Variants in ARMC2 observed in about 807,000 individuals in gnomAD.
ARMC2 encodes the protein armadillo repeat-containing protein 2.
Under a neutral mutation model 90.3 loss-of-function variants are expected in ARMC2, and 67 were observed. That is an observed-to-expected ratio of 0.74 (90% CI 0.61 to 0.91). The LOEUF (loss-of-function observed/expected upper bound fraction) is 0.91. Ranked by LOEUF, ARMC2 falls within the 40% of genes least tolerant of loss-of-function variation. ARMC2 has a pLI of 0.00. For missense variants in ARMC2, 920 were observed against 1,030.9 expected (o/e 0.89, Z 1.47); for synonymous variants, 393 against 393.0 (o/e 1.00, Z 0.00).
the ARMC2 span, among the ~76,000 whole-genome samples, chr6:109,038,679 T>A: frequency 1.3e-5 from 2 of 152,252 alleles, no homozygotes; most frequent in African/African-American, 4.8e-5. Context: ...GAATTGCCTA[T>A]GCAATTTATA....
chr6:109,002,218 G>A, the ARMC2 span: 1 of 1,440,380 alleles, frequency 6.9e-7, no homozygotes, highest in Non-Finnish European at 9.8e-7. Flanking sequence ...CAACATGTGG[G>A]TCATGAAAGC....
chr6:108,966,965 G>GAAAGAGCAGAAAACAGGA (rs1778416209), intron 17 of ARMC2, among the ~76,000 whole-genome samples: 1 of 152,174 alleles, frequency 6.6e-6, no homozygotes, highest in Non-Finnish European at 1.5e-5. Context: ...CAGGAAACAA[G>GAAAGAGCAGAAAACAGGA]ATACTGCTCA....
intron 11 of ARMC2, among the ~76,000 whole-genome samples, chr6:108,929,490 G>A (rs754327116): frequency 6.6e-6 from 1 of 151,944 alleles, no homozygotes; most frequent in Non-Finnish European, 1.5e-5. Flanking sequence ...ACTTTTTGTT[G>A]TTGAGATGGG....
At chr6:108,977,740 T>C (rs1311464161), downstream of ARMC2, among the ~76,000 whole-genome samples, 2 of 152,104 alleles carry the variant, frequency 1.3e-5, no homozygotes, top group African/African-American at 4.8e-5. Flanking sequence ...GGTGTATGTG[T>C]CCAGCAATTT....
At chr6:108,880,003 G>T in intron 5 of ARMC2, 1 of 448,294 alleles carries the variant, frequency 2.2e-6, no homozygotes. Flanking sequence ...TCTTAGTATT[G>T]TTGGAATCAA....
At chr6:108,920,277 C>T (rs1382435090) in intron 10 of ARMC2, among the ~76,000 whole-genome samples, 1 of 152,142 alleles carries the variant, frequency 6.6e-6, no homozygotes, top group Non-Finnish European at 1.5e-5. Context: ...GCAACCTCCA[C>T]CTCCCGGGTT....
chr6:108,992,922 G>C, the ARMC2 span: 1 of 1,504,140 alleles, frequency 6.6e-7, no homozygotes, highest in Non-Finnish European at 9.2e-7. Flanking sequence ...GCCATTGAAA[G>C]GTTTTTAAAA....
chr6:108,906,523 C>T lies in ARMC2; in HGVS notation c.1023+2118C>T, dbSNP rs114056198. ...AAGACAAGATCTCGCTCTTGTCACC[C>T]AGGGCTGGAGTACAGTGGCGAGATC... is the stretch of plus-strand genomic sequence containing the variant. On this transcript the variant is annotated intron_variant, in intron 8 of 17. Transcript: ENST00000392644. Among the ~76,000 whole-genome samples, 614 of 152,022 alleles carry T rather than the reference C, an allele frequency of 4.0e-3. 3 individuals carry two copies. The highest frequency in any genetic ancestry group is 0.014 in the African/African-American group (575 of 41,474).
intron 7 of ARMC2, among the ~76,000 whole-genome samples, chr6:108,900,733 C>T (rs1252956177): frequency 6.6e-6 from 1 of 152,078 alleles, no homozygotes; most frequent in African/African-American, 2.4e-5. Context: ...GTTCTGGTCC[C>T]GGTGCTGCTA....
the ARMC2 span, among the ~76,000 whole-genome samples, chr6:109,016,011 A>T: frequency 6.6e-6 from 1 of 152,210 alleles, no homozygotes; most frequent in East Asian, 1.9e-4. Context: ...AAAATTATCC[A>T]TTCAAAATAG....
chr6:108,972,979 GA>G (rs1434670095), intron 17 of ARMC2, among the ~76,000 whole-genome samples: 1 of 151,010 alleles, frequency 6.6e-6, no homozygotes, highest in Non-Finnish European at 1.5e-5. Flanking sequence ...GACTTTTTTT[GA>G]AAAAAATATT....
chr6:108,870,903 A>C (rs1776337745), intron 4 of ARMC2, among the ~76,000 whole-genome samples: 1 of 148,424 alleles, frequency 6.7e-6, no homozygotes, highest in Non-Finnish European at 1.5e-5. Context: ...ACAAATAAGT[A>C]AGAGAATTTG....
chr6:108,973,713 A>G lies in ARMC2; in HGVS notation c.*199A>G. 1 of 442,002 alleles carries G rather than the reference A, an allele frequency of 2.3e-6. No individual in the cohort carries two copies. The highest frequency in any genetic ancestry group is 3.9e-6 in the Non-Finnish European group (1 of 254,004). The allele number at this position is 442,002 out of a possible 1,614,324, so 27.4% of individuals were successfully genotyped here. On this transcript the variant is annotated 3_prime_UTR_variant, in exon 18 of 18. Coordinates refer to ENST00000392644, the MANE Select transcript of ARMC2 (RefSeq NM_032131.6). ...TTATGGAAAAATGAATATACACATT[A>G]TATTTCCTGTTGAGAGAAATGTAAG... is the stretch of plus-strand genomic sequence containing the variant.
intron 6 of ARMC2, among the ~76,000 whole-genome samples, chr6:108,898,884 A>T (rs1392061819): frequency 2.0e-5 from 3 of 152,194 alleles, no homozygotes; most frequent in Admixed American, 6.5e-5. Flanking sequence ...CACAGGCAGC[A>T]TCTACTCTTG....
chr6:108,904,518 T>A, intron 8 of ARMC2, 113 bp downstream of exon 8: 1 of 1,090,630 alleles, frequency 9.2e-7, no homozygotes, highest in Non-Finnish European at 1.2e-6. Context: ...TTGTTTAGAA[T>A]CTTGGAAAAA....
At chr6:109,022,477 C>A in the ARMC2 span, among the ~76,000 whole-genome samples, 1 of 120,188 alleles carries the variant, frequency 8.3e-6, no homozygotes, top group East Asian at 2.8e-4. Context: ...GGCTGGAGTG[C>A]AGTGGCGCGA....
the ARMC2 span, among the ~76,000 whole-genome samples, chr6:109,044,597 C>T: frequency 2.6e-5 from 4 of 152,124 alleles, no homozygotes; most frequent in South Asian, 2.1e-4. Flanking sequence ...AATGATCTCA[C>T]GCTTTCATCA....
chr6:109,032,730 T>C, the ARMC2 span, among the ~76,000 whole-genome samples: 329 of 152,168 alleles, frequency 2.2e-3, no homozygotes, highest in Admixed American at 4.5e-3. Context: ...GTGAAGGAGA[T>C]ATTCCAAGCC....
the ARMC2 span, among the ~76,000 whole-genome samples, chr6:109,009,923 G>C: frequency 6.6e-6 from 1 of 152,076 alleles, no homozygotes; most frequent in African/African-American, 2.4e-5. Flanking sequence ...GACTGATTCT[G>C]ACAGCACCAG....
Sources: allele counts gnomAD v4.1 joint callset (sites outside exome capture counted in the v4.1 genomes callset), GRCh38; gene constraint gnomAD v4.1.1; transcripts MANE v1.5; gene names NCBI Gene and HGNC (gene_info 2026-07-23, HGNC 2026-07-21).